TSC1: variants seen among roughly 807,000 people sequenced by gnomAD.
The protein encoded by TSC1 is TSC complex subunit 1.
A neutral mutation model predicts 124.3 loss-of-function variants in TSC1; 20 were observed. That is an observed-to-expected ratio of 0.16 (90% CI 0.11 to 0.23). The LOEUF is 0.23. TSC1 is among the 10% of genes least tolerant of loss of function. The pLI, the probability that TSC1 is intolerant of heterozygous loss-of-function variation, is 1.00. For missense variants in TSC1, 1,124 were observed against 1,448.5 expected, an observed-to-expected ratio of 0.78 and a Z score of 3.64; for synonymous variants, 493 against 539.1, an observed-to-expected ratio of 0.91 and a Z score of 1.19.
intron 12 of TSC1, among the ~76,000 whole-genome samples, chr9:132,908,601 C>T (rs909517379): frequency 6.6e-6 from 1 of 151,542 alleles, no homozygotes; most frequent in Non-Finnish European, 1.5e-5. Context: ...AGATGCACAT[C>T]ACCACACCTG....
rs1845696020 is a variant in TSC1 at position 132,906,778 on chromosome 9, C to T, written c.1391G>A (p.Gly464Asp). Residue 464 changes from glycine to aspartate, a missense_variant, in exon 14 of 23, where the codon GGT (glycine) becomes GAT (aspartate). Gly to Asp is a moderately conservative substitution (Grantham distance 94, BLOSUM62 -1). Transcript: ENST00000298552. This position sits in a 1 kb window ranked among gnomAD's most constrained non-coding sequence, Gnocchi z 4.1. Reference protein sequence around the residue: ...VTLSDLPGFLGDLASEEDSIE... With the variant: ...VTLSDLPGFLDDLASEEDSIE... ...ACTATCTTCTTCAGAGGCCAGATCACCTAAAAACCCTGGAAGATCACTTAG... is the reference window on the plus strand; with the variant it reads ...ACTATCTTCTTCAGAGGCCAGATCATCTAAAAACCCTGGAAGATCACTTAG... 1 of 1,614,132 alleles carries T rather than the reference C, an allele frequency of 6.2e-7. No individual in the cohort carries two copies. The highest frequency in any genetic ancestry group is 2.2e-5 in the East Asian group (1 of 44,874).
chr9:132,931,026 A>G (rs1847174744), intron 2 of TSC1, among the ~76,000 whole-genome samples: 1 of 152,164 alleles, frequency 6.6e-6, no homozygotes, highest in Non-Finnish European at 1.5e-5. Flanking sequence ...ACCAGTAAAA[A>G]TCTTTGGGCC....
At position 132,902,070 on chromosome 9, in the gene TSC1, T is replaced by C; in HGVS notation, c.2392-371A>G. The stretch of plus-strand genomic sequence containing the variant: ...CTGGCTGGAAATGATGCTGTGTCTG[T>C]GGATGACGTCTTTGTGAAGCCGGGT... On this transcript the variant is annotated intron_variant, in intron 18 of 22. Transcript: ENST00000298552. This position sits in a 1 kb window ranked among gnomAD's most constrained non-coding sequence, Gnocchi z 5.2. 1 of 255,784 alleles carries C rather than the reference T, an allele frequency of 3.9e-6. No homozygotes were observed. Among genetic ancestry groups the C allele is most frequent in the Non-Finnish European group, 7.6e-6 (1 of 131,042 alleles). The allele number at this position is 255,784 out of a possible 1,614,324, so 15.8% of individuals were successfully genotyped here.
chr9:132,925,609 G>A lies in TSC1; in HGVS notation c.341C>T (p.Pro114Leu), dbSNP rs2132230765. 6.2e-7 allele frequency: 1 copy of A among 1,614,196 alleles called. No homozygotes were observed. Among genetic ancestry groups the A allele is most frequent in the East Asian group, 2.2e-5 (1 of 44,886 alleles). ...KHKLSQAPLL[P>L]SLLKCLKMDT... ...TACCTTGAGACATTTTAGTAAAGAAGGCAAAAGAGGTGCTTGAGAGAGCTT... is the reference window on the plus strand; with the variant it reads ...TACCTTGAGACATTTTAGTAAAGAAAGCAAAAGAGGTGCTTGAGAGAGCTT... The change falls in exon 5 of 23, where the codon CCT becomes CTT. Residue 114 changes from proline (P) to leucine (L), a missense_variant. Physicochemically the swap from Pro to Leu is moderately conservative, Grantham distance 98. Around this residue, in one of 5 missense-constraint regions of TSC1, gnomAD observed 463 missense variants for 606.8 expected, o/e 0.76. Coordinates refer to ENST00000298552, the MANE Select transcript of TSC1 (RefSeq NM_000368.5).
intron 8 of TSC1, 21 bp from the exon 9 acceptor site, chr9:132,912,478 C>T (rs1323275248): frequency 6.2e-7 from 1 of 1,613,878 alleles, no homozygotes; most frequent in Admixed American, 1.7e-5. Flanking sequence ...CAATGAAAGT[C>T]AAGAAATGCA....
rs1306473458 is a variant in TSC1, at chr9:132,911,224, A to C, written c.1030-111T>G. 3.2e-6 allele frequency: 3 copies of C among 936,530 alleles called. No homozygotes were observed. In the African/African-American group the frequency reaches 4.9e-5, roughly 15 times the overall value. 58.0% of individuals were successfully genotyped at this position (936,530 alleles called of 1,614,324 possible). ...AAATTTAGCTTTTTCATCTAGAAAA[A>C]GGCATCTTATTAAAAGCGTATCAAG... On this transcript the variant is annotated intron_variant, in intron 10 of 22. Coordinates refer to ENST00000298552, the MANE Select transcript of TSC1 (RefSeq NM_000368.5).
intron 3 of TSC1, among the ~76,000 whole-genome samples, chr9:132,927,845 CAAA>C (rs996715006): frequency 1.3e-5 from 2 of 152,042 alleles, no homozygotes; most frequent in Admixed American, 1.3e-4. Context: ...TTTTTAATTA[CAAA>C]AAATAATCCA....
intron 2 of TSC1, among the ~76,000 whole-genome samples, chr9:132,933,585 T>A (rs1847316220): frequency 6.6e-6 from 1 of 152,154 alleles, no homozygotes; most frequent in African/African-American, 2.4e-5. Flanking sequence ...CCAGAAACTT[T>A]CCTGAATTCT....
At chr9:132,908,115 A>C (rs1436583217) in intron 12 of TSC1, among the ~76,000 whole-genome samples, 2 of 150,920 alleles carry the variant, frequency 1.3e-5, no homozygotes, top group Non-Finnish European at 3.0e-5. Flanking sequence ...TAATAATGAG[A>C]AAGTTGGAGA....
At chr9:132,941,307 T>C (rs1847726707) in intron 1 of TSC1, 2 of 152,204 alleles carry the variant, frequency 1.3e-5, no homozygotes, top group Admixed American at 6.5e-5. Flanking sequence ...GTATATAAAA[T>C]TTGCATTTTT....
At chr9:132,924,629 CCAATCCATTTAGATTATATTCTCAT>C (rs1167102574) in intron 5 of TSC1, among the ~76,000 whole-genome samples, 12 of 152,108 alleles carry the variant, frequency 7.9e-5, no homozygotes, top group Admixed American at 2.0e-4. Flanking sequence ...TATATTCTCA[CCAATCCATTTAGATTATATTCTCAT>C]CAATCCATTT....
rs1332978347 is a variant in TSC1 at position 132,911,538 on chromosome 9, G to A, written c.944C>T (p.Ser315Phe). The A allele has an allele frequency of 6.2e-7, 1 of 1,602,222 alleles. No individual in the cohort carries two copies. Reference sequence around the variant, plus strand: ...TGGCATATTTAACAACATCAGCCGAGACGTGGAGTAAGGGGTAGAAGTAGC... The same window carrying A: ...TGGCATATTTAACAACATCAGCCGAAACGTGGAGTAAGGGGTAGAAGTAGC... ...GCATSTPYST[S>F]RLMLLNMPGQ... Residue 315 changes from serine to phenylalanine, a missense_variant, in exon 10 of 23, where the codon TCT becomes TTT. Physicochemically the swap from Ser to Phe is radical, Grantham distance 155. Transcript: ENST00000298552.
intron 9 of TSC1, 35 bp downstream of exon 9, chr9:132,912,247 T>G (rs377400768): frequency 6.2e-7 from 1 of 1,611,620 alleles, no homozygotes; most frequent in Non-Finnish European, 8.5e-7. Context: ...AGAGACAAAG[T>G]TGCAAAACAG....
chr9:132,932,056 T>C (rs890281295), intron 2 of TSC1, among the ~76,000 whole-genome samples: 13 of 152,198 alleles, frequency 8.5e-5, no homozygotes, highest in African/African-American at 2.9e-4. Flanking sequence ...TAACTCACCA[T>C]AGAAAATAGC....
At chr9:132,916,492 C>G (rs1291804141) in intron 8 of TSC1, among the ~76,000 whole-genome samples, 2 of 152,162 alleles carry the variant, frequency 1.3e-5, no homozygotes, top group Non-Finnish European at 1.5e-5. Context: ...CTCCTCAATG[C>G]TCTCAAAATA....
intron 8 of TSC1, among the ~76,000 whole-genome samples, chr9:132,913,208 C>T (rs1588329554): frequency 6.6e-6 from 1 of 152,168 alleles, no homozygotes; most frequent in Non-Finnish European, 1.5e-5. Context: ...GCTGGGATTA[C>T]AGGCATAAGC....
In TSC1 at chr9:132,902,497, C is replaced by T; in HGVS notation, c.2391+108G>A. 5.2e-6 allele frequency: 7 copies of T among 1,344,486 alleles called. No homozygotes were observed. In the South Asian group the frequency reaches 8.2e-5, roughly 16 times the overall value. 83.3% of individuals were successfully genotyped at this position (1,344,486 alleles called of 1,614,324 possible). A position where few individuals can be genotyped will look rare whatever the true frequency, so the allele number is the denominator to read the frequency against. ...TGATTTCAGAGAGAAAAGCATTCAGCTTAGTAAAGCTGAACAAGTCAAGGA... is the reference window on the plus strand; with the variant it reads ...TGATTTCAGAGAGAAAAGCATTCAGTTTAGTAAAGCTGAACAAGTCAAGGA... On this transcript the variant is annotated intron_variant, in intron 18 of 22. Transcript: ENST00000298552. The surrounding 1 kb of genome is among the most constrained non-coding windows in gnomAD (Gnocchi z 5.2).
At chr9:132,928,595 T>C (rs1847018655) in intron 3 of TSC1, among the ~76,000 whole-genome samples, 172 bp downstream of exon 3, 1 of 152,230 alleles carries the variant, frequency 6.6e-6, no homozygotes, top group Non-Finnish European at 1.5e-5. Flanking sequence ...TGTGTGTGCA[T>C]ACTTGAGTAT....
chr9:132,938,044 T>C (rs958826727), intron 1 of TSC1, among the ~76,000 whole-genome samples: 1 of 152,260 alleles, frequency 6.6e-6, no homozygotes, highest in South Asian at 2.1e-4. Flanking sequence ...CAATGCTCAA[T>C]GTTAAGACTT....
Sources: allele counts gnomAD v4.1 joint callset (sites outside exome capture counted in the v4.1 genomes callset), GRCh38; gene constraint gnomAD v4.1.1; regional missense constraint gnomAD v4.1.1; non-coding constraint Gnocchi (gnomAD v3.1); transcripts MANE v1.5; gene names NCBI Gene and HGNC (gene_info 2026-07-23, HGNC 2026-07-21).